The following GCDH variants were observed in gnomAD, a reference collection of about 807,000 sequenced individuals.
GCDH encodes glutaryl-CoA dehydrogenase.
GCDH carries 31 observed loss-of-function variants against 52.8 expected under a neutral mutation model. The ratio of observed to expected loss-of-function variants is 0.59; its 90% CI spans 0.44 to 0.79. The LOEUF (loss-of-function observed/expected upper bound fraction) is 0.79, where lower values mean the gene tolerates loss of function less well. Ranked by LOEUF, GCDH falls within the 30% of genes least tolerant of loss-of-function variation. The pLI is 0.00. For synonymous variants in GCDH, 242 were observed against 250.0 expected, an observed-to-expected ratio of 0.97 and a Z score of 0.30; for missense variants, 509 against 595.0, an observed-to-expected ratio of 0.86 and a Z score of 1.50.
At chr19:12,891,698 C>T (rs980499037) in intron 3 of GCDH, 133 bp from the exon 4 acceptor site, 2 of 1,604,370 alleles carry the variant, frequency 1.2e-6, no homozygotes, top group Non-Finnish European at 1.7e-6. Flanking sequence ...AGAAAAGTCA[C>T]CTGATCAGTC....
At chr19:12,892,299 C>T (rs58971437) in intron 5 of GCDH, 121 bp downstream of exon 5, 1 of 926,124 alleles carries the variant, frequency 1.1e-6, no homozygotes, top group Non-Finnish European at 1.7e-6. Context: ...TCTTTCCTTT[C>T]TTCTTCCCCC....
In GCDH at chr19:12,891,256, C is replaced by T. The variant is rs772804409; in HGVS notation, c.-34-15C>T. 5 of 1,499,506 alleles carry T rather than the reference C, an allele frequency of 3.3e-6. No homozygotes were observed. In the South Asian group the frequency reaches 4.5e-5, roughly 14 times the overall value. The allele number at this position is 1,499,506 out of a possible 1,614,324, so 92.9% of individuals were successfully genotyped here. A position where few individuals can be genotyped will look rare whatever the true frequency, so the allele number is the denominator to read the frequency against. On this transcript the variant is annotated splice_polypyrimidine_tract_variant and intron_variant, in intron 1 of 11. Transcript: ENST00000222214. ...GGGTGAGAGGAGCTCCGCTCTGACA[C>T]CCCCGCTCCTGTAGGTCGCCGTCGT... is the stretch of plus-strand genomic sequence containing the variant.
At position 12,896,295 on chromosome 19, in the gene GCDH, G is replaced by A. The variant is rs762471866; in HGVS notation, c.726G>A (p.Met242Ile). ...GGGGCTTCCTGCTGGAGAAGGGGAT[G>A]CGGGGTCTCTCGGCCCCCAGGATCC... ...CIRGFLLEKGMRGLSAPRIQG... is the reference protein window; with the variant it reads ...CIRGFLLEKGIRGLSAPRIQG... Residue 242 changes from methionine to isoleucine, a missense_variant, in exon 8 of 12, where the codon ATG becomes ATA. Coordinates refer to ENST00000222214, the MANE Select transcript of GCDH (RefSeq NM_000159.4). The surrounding 1 kb of genome is among the most constrained non-coding windows in gnomAD (Gnocchi z 5.5). 1.2e-6 allele frequency: 2 copies of A among 1,614,072 alleles called. No homozygotes were observed. Among genetic ancestry groups the A allele is most frequent in the Non-Finnish European group, 1.7e-6 (2 of 1,179,932 alleles).
At chr19:12,892,913 T>C (rs1252332685) in intron 5 of GCDH, among the ~76,000 whole-genome samples, 6 of 147,832 alleles carry the variant, frequency 4.1e-5, no homozygotes, top group Non-Finnish European at 5.9e-5. Context: ...AGTTTCGCTC[T>C]GTCACCCAGC....
intron 9 of GCDH, 97 bp downstream of exon 9, chr19:12,897,110 C>A: frequency 1.7e-6 from 2 of 1,200,804 alleles, no homozygotes; most frequent in Non-Finnish European, 2.4e-6. Flanking sequence ...ACCCACCAGG[C>A]CTGAGTTCCT....
intron 5 of GCDH, 147 bp from the exon 6 acceptor site, chr19:12,893,336 G>A (rs866924129): frequency 5.7e-6 from 4 of 697,532 alleles, no homozygotes; most frequent in Middle Eastern, 2.5e-4. Context: ...CTCTGAAAGT[G>A]GCTGTGGAGA....
In GCDH at chr19:12,897,008, C is replaced by T. The variant is rs886450662; in HGVS notation, c.951C>T (p.Leu317=). 5.6e-6 allele frequency: 9 copies of T among 1,610,322 alleles called. No individual in the cohort carries two copies. The highest frequency in any genetic ancestry group is 4.5e-5 in the East Asian group (2 of 44,888). ...TGCACACAGCCCGGCAGTACGCCCTCGACAGGTGTGTGAGGGCTGCAGTGA... is the reference window on the plus strand; with the variant it reads ...TGCACACAGCCCGGCAGTACGCCCTTGACAGGTGTGTGAGGGCTGCAGTGA... ...FCLHTARQYA[L]DRMQFGVPLA... is the part of the protein sequence containing the mutation. The change falls in exon 9 of 12, where the codon CTC becomes CTT. Residue 317 remains leucine (L), a synonymous_variant. Coordinates refer to ENST00000222214, the MANE Select transcript of GCDH (RefSeq NM_000159.4).
chr19:12,897,464 C>CGGT, intron 10 of GCDH, 36 bp downstream of exon 10: 2 of 1,608,062 alleles, frequency 1.2e-6, no homozygotes, highest in Non-Finnish European at 1.7e-6. Context: ...GGGATGGCAG[C>CGGT]GGTGGCTGGA....
At position 12,899,715 on chromosome 19, in the gene GCDH, C is replaced by A. The variant is rs1970790212; in HGVS notation, c.*174C>A. 6.2e-7 allele frequency: 1 copy of A among 1,611,978 alleles called. No individual in the cohort carries two copies. Among genetic ancestry groups the A allele is most frequent in the Non-Finnish European group, 8.5e-7 (1 of 1,179,130 alleles). ...CCTTCTGAAGTCGTTCAGATGTGTT[C>A]CTTAAAAAGAAGATGGAATTCTCTG... is the stretch of plus-strand genomic sequence containing the variant. On this transcript the variant is annotated 3_prime_UTR_variant, in exon 12 of 12. Coordinates refer to ENST00000222214, the MANE Select transcript of GCDH (RefSeq NM_000159.4).
Position 12,897,851 on chromosome 19 carries a change from A to G in GCDH, c.1231A>G (p.Asn411Asp). ...GCACGCCATGAACCTGGAGGCCGTG[A>G]ACACCTACGAAGGTAGGAGCTGGAC... Reference protein sequence around the residue: ...IRHAMNLEAVNTYEGTHDIHA... With the variant: ...IRHAMNLEAVDTYEGTHDIHA... Residue 411 changes from asparagine (N) to aspartate (D), a missense_variant, in exon 11 of 12, where the codon AAC becomes GAC. Transcript: ENST00000222214. 6.2e-7 allele frequency: 1 copy of G among 1,613,888 alleles called. No homozygotes were observed. The highest frequency in any genetic ancestry group is 2.2e-5 in the East Asian group (1 of 44,876).
rs1408590727 is a variant in GCDH, at chr19:12,896,110, G to A, written c.624G>A (p.Gly208=). 3 of 1,614,032 alleles carry A rather than the reference G, an allele frequency of 1.9e-6. No individual in the cohort carries two copies. Among genetic ancestry groups the A allele is most frequent in the Non-Finnish European group, 1.7e-6 (2 of 1,180,022 alleles). ...NSSNKSYTLN[G]TKTWITNSPM... ...CCAACAAGAGCTACACCCTCAATGGGACCAAGACCTGGTAAGGGTTCTGGG... is the reference window on the plus strand; with the variant it reads ...CCAACAAGAGCTACACCCTCAATGGAACCAAGACCTGGTAAGGGTTCTGGG... Residue 208 remains glycine, a synonymous_variant, in exon 7 of 12, where the codon GGG becomes GGA. Transcript: ENST00000222214. The surrounding 1 kb of genome is among the most constrained non-coding windows in gnomAD (Gnocchi z 5.5).
intron 6 of GCDH, chr19:12,895,005 C>G (rs1970642620): frequency 4.0e-6 from 1 of 250,518 alleles, no homozygotes; most frequent in South Asian, 8.6e-5. Context: ...TCCTCCCAGC[C>G]AGACTTAGCT....
At position 12,899,933 on chromosome 19, in the gene GCDH, G is replaced by C. The variant is rs765869286; in HGVS notation, c.*392G>C. 1 of 1,610,842 alleles carries C rather than the reference G, an allele frequency of 6.2e-7. No individual in the cohort carries two copies. The highest frequency in any genetic ancestry group is 2.2e-5 in the East Asian group (1 of 44,818). The stretch of plus-strand genomic sequence containing the variant: ...GTGCCTTATGCTGGGTGTTGGAGCA[G>C]AGTGAGGGAGAGGAAAATAAAGACC... On this transcript the variant is annotated 3_prime_UTR_variant, in exon 12 of 12. Coordinates refer to ENST00000222214, the MANE Select transcript of GCDH (RefSeq NM_000159.4).
In GCDH at chr19:12,891,990, G is replaced by T. The variant is rs1254197563; in HGVS notation, c.271+16G>T. On this transcript the variant is annotated intron_variant, in intron 4 of 11. Transcript: ENST00000222214. ...CGCAACGAAGGTGGGCGGGCTGGTG[G>T]GTGCCCTGAGACTGCTCCTCCGCCT... 1.4e-5 allele frequency: 23 copies of T among 1,614,074 alleles called. No individual in the cohort carries two copies. The highest frequency in any genetic ancestry group is 1.9e-5 in the Non-Finnish European group (22 of 1,180,024).
intron 3 of GCDH, 21 bp from the exon 4 acceptor site, chr19:12,891,810 G>A (rs1190404374): frequency 1.9e-6 from 3 of 1,613,192 alleles, no homozygotes; most frequent in South Asian, 2.2e-5. Context: ...GGACTGGACC[G>A]AGGCGAATTC....
In GCDH at chr19:12,899,637, G is replaced by A; in HGVS notation, c.*96G>A. 1 of 1,612,686 alleles carries A rather than the reference G, an allele frequency of 6.2e-7. No individual in the cohort carries two copies. The highest frequency in any genetic ancestry group is 1.7e-5 in the Admixed American group (1 of 59,980). The stretch of plus-strand genomic sequence containing the variant: ...CTGTGCTCTGAGCTTAGAAAGGGAG[G>A]TGGCGGATGGAGTGGGAAGTGAGAG... On this transcript the variant is annotated 3_prime_UTR_variant, in exon 12 of 12. Transcript: ENST00000222214.
intron 5 of GCDH, 39 bp from the exon 6 acceptor site, chr19:12,893,444 G>C (rs1205502971): frequency 1.3e-6 from 2 of 1,587,750 alleles, no homozygotes; most frequent in South Asian, 2.2e-5. Flanking sequence ...GCAGGGCCCT[G>C]TTCTCTATTG....
rs886893711 is a variant in GCDH, at chr19:12,891,728, G to A, written c.128-103G>A. 8.1e-6 allele frequency: 13 copies of A among 1,603,154 alleles called. No homozygotes were observed. In the African/African-American group the frequency reaches 1.6e-4, roughly 20 times the overall value. On this transcript the variant is annotated intron_variant, in intron 3 of 11. Transcript: ENST00000222214. Reference sequence around the variant, plus strand: ...TCAGTCTCGCTTGCAGCTCGCACTAGCCGGGGGGCGACATGGGTGTTGGGG... The same window carrying A: ...TCAGTCTCGCTTGCAGCTCGCACTAACCGGGGGGCGACATGGGTGTTGGGG...
In GCDH at chr19:12,893,615, G is replaced by A; in HGVS notation, c.467G>A (p.Gly156Asp). The A allele has an allele frequency of 6.2e-7, 1 of 1,614,150 alleles. No homozygotes were observed. Among genetic ancestry groups the A allele is most frequent in the Non-Finnish European group, 8.5e-7 (1 of 1,180,014 alleles). Residue 156 changes from glycine (G) to aspartate (D), a missense_variant, in exon 6 of 12, where the codon GGC becomes GAC. By Grantham distance (94) the Gly-to-Asp change is moderately conservative. Transcript: ENST00000222214. ...GTCATGCACCCTATCTATGCCTATGGCAGCGAGGAACAGCGGCAGAAGTAC... is the reference window on the plus strand; with the variant it reads ...GTCATGCACCCTATCTATGCCTATGACAGCGAGGAACAGCGGCAGAAGTAC... ...SLVMHPIYAY[G>D]SEEQRQKYLP...
Sources: gnomAD v4.1 joint callset for allele counts (sites outside exome capture counted in the v4.1 genomes callset) on GRCh38, gnomAD v4.1.1 for gene constraint, Gnocchi (gnomAD v3.1) non-coding constraint, MANE v1.5 for transcripts, NCBI Gene and HGNC (gene_info 2026-07-23, HGNC 2026-07-21) for gene names.